The following GCC2 variants were observed in gnomAD, a reference collection of about 807,000 sequenced individuals.
The protein encoded by GCC2 is GRIP and coiled-coil domain-containing protein 2.
In GCC2, 120 loss-of-function variants were observed where a neutral mutation model predicts 210.6. The observed-to-expected ratio is 0.57, with a 90% CI of 0.49 to 0.66. The LOEUF (loss-of-function observed/expected upper bound fraction) is 0.66, where lower values mean the gene tolerates loss of function less well. Ranked by LOEUF, GCC2 falls within the 30% of genes least tolerant of loss-of-function variation. GCC2 has a pLI of 0.00. For missense variants in GCC2, 1,868 were observed against 1,871.9 expected (o/e 1.00, Z 0.04); for synonymous variants, 703 against 652.7 (o/e 1.08, Z -1.17).
Position 108,481,098 on chromosome 2 carries a change from T to C in GCC2, c.3061-599T>C, listed in dbSNP as rs1290418055. ...ATTTTGGTGGATAACCTAATTAGCT[T>C]GTGTGTGGCAAGAAAGTCTGATCAT... On this transcript the variant is annotated intron_variant, in intron 9 of 22. Coordinates refer to ENST00000309863, the MANE Select transcript of GCC2 (RefSeq NM_181453.4). Among the ~76,000 whole-genome samples, 4 of 152,180 alleles carry C rather than the reference T, an allele frequency of 2.6e-5. No homozygotes were observed. The East Asian group carries it at 7.7e-4, about 29-fold the overall frequency.
intron 9 of GCC2, 128 bp downstream of exon 9, chr2:108,475,978 A>C (rs1324131786): frequency 2.0e-6 from 1 of 509,152 alleles, no homozygotes; most frequent in Non-Finnish European, 3.5e-6. Context: ...GTAAATCTTT[A>C]TTCTGTTTTG....
intron 4 of GCC2, among the ~76,000 whole-genome samples, chr2:108,467,867 A>G (rs2104442123): frequency 6.6e-6 from 1 of 152,266 alleles, no homozygotes; most frequent in South Asian, 2.1e-4. Flanking sequence ...TGAAAATTTG[A>G]TAGAACTCAC....
chr2:108,459,920 T>A (rs1680477092), intron 4 of GCC2, among the ~76,000 whole-genome samples: 1 of 151,942 alleles, frequency 6.6e-6, no homozygotes. Flanking sequence ...TGGCGCAATC[T>A]TGGCTCACTG....
In GCC2 at chr2:108,472,098, A is replaced by G. The variant is rs371074235; in HGVS notation, c.2769A>G (p.Ala923=). The change falls in exon 6 of 23, where the codon GCA becomes GCG. Residue 923 remains alanine, a synonymous_variant. Coordinates refer to ENST00000309863, the MANE Select transcript of GCC2 (RefSeq NM_181453.4). ...AAAAAGAATTACGAGATAGGAGAGC[A>G]GAGTTGATACTATTAAAGGTACCAT... ...LEQKELRDRR[A]ELILLKDSLA... The G allele has an allele frequency of 1.3e-6, 2 of 1,546,606 alleles. No homozygotes were observed. The highest frequency in any genetic ancestry group is 4.5e-5 in the Admixed American group (2 of 44,806).
In GCC2 at chr2:108,460,649, C is replaced by G. The variant is rs76308037; in HGVS notation, c.216+8183C>G. ...TAGTAATGAATTCCCTCAGCTTTTG[C>G]TCGTCTGGAGAAGACTTTATTTCTC... On this transcript the variant is annotated intron_variant, in intron 4 of 22. Coordinates refer to ENST00000309863, the MANE Select transcript of GCC2 (RefSeq NM_181453.4). Among the ~76,000 whole-genome samples, 1,332 of 152,312 alleles carry G rather than the reference C, an allele frequency of 8.7e-3. 10 individuals carry two copies. Among genetic ancestry groups the G allele is most frequent in the Non-Finnish European group, 0.014 (982 of 68,020 alleles).
intron 1 of GCC2, 37 bp from the exon 2 acceptor site, chr2:108,449,596 A>G (rs139499066): frequency 0.016 from 26,136 of 1,593,816 alleles, 280 homozygotes; most frequent in Non-Finnish European, 0.02. Flanking sequence ...TTAGGAAAAG[A>G]GTTCTTCTGA....
intron 9 of GCC2, among the ~76,000 whole-genome samples, chr2:108,477,420 T>C (rs1456125961): frequency 6.6e-6 from 1 of 152,176 alleles, no homozygotes; most frequent in East Asian, 1.9e-4. Flanking sequence ...CATAAATAGA[T>C]GAAGGAACTC....
chr2:108,449,778 A>AT (rs377365761), intron 2 of GCC2, 89 bp downstream of exon 2: 31,170 of 722,086 alleles, frequency 0.043, 20 homozygotes, highest in South Asian at 0.058. Context: ...GGGGGCGCTG[A>AT]TTTTTTTTTT....
intron 12 of GCC2, among the ~76,000 whole-genome samples, chr2:108,483,816 G>A (rs1331825473): frequency 6.6e-6 from 1 of 152,028 alleles, no homozygotes; most frequent in East Asian, 1.9e-4. Context: ...CAAAGATGAG[G>A]CTAAAAAGAA....
chr2:108,500,417 G>A (rs1034029922), intron 22 of GCC2, among the ~76,000 whole-genome samples: 3 of 152,216 alleles, frequency 2.0e-5, no homozygotes, highest in East Asian at 3.8e-4. Context: ...GGAGATTGAG[G>A]CAGGAGAATT....
Position 108,463,557 on chromosome 2 carries a change from G to A in GCC2, c.217-5423G>A, listed in dbSNP as rs190542894. Among the ~76,000 whole-genome samples, 21 of 152,298 alleles carry A rather than the reference G, an allele frequency of 1.4e-4. No individual in the cohort carries two copies. The East Asian group carries it at 3.9e-3, about 28-fold the overall frequency. On this transcript the variant is annotated intron_variant, in intron 4 of 22. Transcript: ENST00000309863. Reference sequence around the variant, plus strand: ...GTAAAGTTTTGCTGGGGCCTGGAATGCCAAGTAGGCCAGTCTTCAGGTCGC... The same window carrying A: ...GTAAAGTTTTGCTGGGGCCTGGAATACCAAGTAGGCCAGTCTTCAGGTCGC...
chr2:108,489,948 C>A lies in GCC2; in HGVS notation c.4163C>A (p.Thr1388Lys). The change falls in exon 18 of 23, where the codon ACA becomes AAA. Residue 1388 changes from threonine to lysine, a missense_variant. Physicochemically the swap from Thr to Lys is moderately conservative, Grantham distance 78 (BLOSUM62 -1). Around this residue, in one of 3 missense-constraint regions of GCC2, gnomAD observed 1,847 missense variants for 1,765.2 expected, o/e 1.05. Transcript: ENST00000309863. ...CAAACATTGCAGTCTGAACATGATA[C>A]ACTGCTAGAAAGGCACAACAAGATG... ...ELQTLQSEHD[T>K]LLERHNKMLQ... The A allele has an allele frequency of 1.2e-6, 2 of 1,612,008 alleles. No individual in the cohort carries two copies. Among genetic ancestry groups the A allele is most frequent in the Non-Finnish European group, 8.5e-7 (1 of 1,179,134 alleles).
intron 4 of GCC2, among the ~76,000 whole-genome samples, chr2:108,460,307 CCTT>C (rs1202778880): frequency 6.6e-6 from 1 of 152,148 alleles, no homozygotes; most frequent in Non-Finnish European, 1.5e-5. Flanking sequence ...TGTTTTTTAT[CCTT>C]TTAGCCAGCC....
At chr2:108,483,735 C>G (rs1171049641) in intron 12 of GCC2, among the ~76,000 whole-genome samples, 1 of 152,106 alleles carries the variant, frequency 6.6e-6, no homozygotes, top group African/African-American at 2.4e-5. Flanking sequence ...TTGTATGACA[C>G]ATTAAGATTT....
At chr2:108,506,666 C>T (rs1471040032) in intron 22 of GCC2, among the ~76,000 whole-genome samples, 1 of 152,072 alleles carries the variant, frequency 6.6e-6, no homozygotes, top group African/African-American at 2.4e-5. Flanking sequence ...TAAGGTTTAC[C>T]ATAAATCTAT....
chr2:108,483,042 GT>G lies in GCC2; in HGVS notation c.3346-15del, dbSNP rs770321535. 1.4e-5 allele frequency: 19 copies of G among 1,326,084 alleles called. No individual in the cohort carries two copies. The highest frequency in any genetic ancestry group is 1.8e-5 in the Non-Finnish European group (17 of 920,406). The allele number at this position is 1,326,084 out of a possible 1,614,324, so 82.1% of individuals were successfully genotyped here. On this transcript the variant is annotated intron_variant, in intron 11 of 22. Coordinates refer to ENST00000309863, the MANE Select transcript of GCC2 (RefSeq NM_181453.4). ...TAATATTGGTTGGGTGGTGTGGGTTGTTTTTATTTTTAATTTCAGGAACATG... is the reference window on the plus strand; with the variant it reads ...TAATATTGGTTGGGTGGTGTGGGTTGTTTTATTTTTAATTTCAGGAACATG...
At chr2:108,480,886 G>A (rs1179782540) in intron 9 of GCC2, among the ~76,000 whole-genome samples, 1 of 152,090 alleles carries the variant, frequency 6.6e-6, no homozygotes, top group Non-Finnish European at 1.5e-5. Flanking sequence ...ACCTGCACAT[G>A]TACCCCTGAA....
intron 4 of GCC2, 42 bp downstream of exon 4, chr2:108,452,508 T>A: frequency 1.7e-6 from 2 of 1,149,966 alleles, no homozygotes; most frequent in Non-Finnish European, 2.6e-6. Context: ...AAATAAAATT[T>A]CCCTGAGGAT....
At chr2:108,450,668 G>A (rs1006904895) in intron 2 of GCC2, among the ~76,000 whole-genome samples, 2 of 152,186 alleles carry the variant, frequency 1.3e-5, no homozygotes, top group Non-Finnish European at 2.9e-5. Context: ...GATCACCTGC[G>A]GTCAGGAGTT....
Sources: gnomAD v4.1 joint callset for allele counts (sites outside exome capture counted in the v4.1 genomes callset) on GRCh38, gnomAD v4.1.1 for gene constraint, gnomAD v4.1.1 regional missense constraint, MANE v1.5 for transcripts, NCBI Gene and HGNC (gene_info 2026-07-23, HGNC 2026-07-21) for gene names.